The following HTT variants were observed in gnomAD, a reference collection of about 807,000 sequenced individuals.
The protein encoded by HTT is huntington disease protein.
Under a neutral mutation model 362.3 loss-of-function variants are expected in HTT, and 104 were observed. That is an observed-to-expected ratio of 0.29 (90% CI 0.24 to 0.34). The LOEUF (loss-of-function observed/expected upper bound fraction) is 0.34, where lower values mean the gene tolerates loss of function less well. HTT is among the 10% of genes least tolerant of loss of function. HTT has a pLI of 1.00. For synonymous variants in HTT, 1,577 were observed against 1,548.7 expected (o/e 1.02, Z -0.43); for missense variants, 3,301 against 3,928.6 (o/e 0.84, Z 4.27).
chr4:3,205,705 T>C (rs940013453), intron 42 of HTT, among the ~76,000 whole-genome samples: 2 of 152,138 alleles, frequency 1.3e-5, no homozygotes, highest in African/African-American at 4.8e-5. Context: ...ATAAGTATAA[T>C]GCACATATTT....
intron 45 of HTT, among the ~76,000 whole-genome samples, chr4:3,207,721 T>C (rs1028206120): frequency 1.3e-5 from 2 of 152,224 alleles, no homozygotes; most frequent in African/African-American, 4.8e-5. Flanking sequence ...AAACAAGAGT[T>C]GGCAAATCTG....
In HTT at chr4:3,187,721, C is replaced by A; in HGVS notation, c.5060C>A (p.Ser1687Ter). The A allele has an allele frequency of 6.2e-7, 1 of 1,614,130 alleles. No homozygotes were observed. The highest frequency in any genetic ancestry group is 1.1e-5 in the South Asian group (1 of 91,090). Residue 1687 changes from serine to a stop codon, truncating the protein, a stop_gained, in exon 39 of 67, where the codon TCA becomes TAA. Coordinates refer to ENST00000355072, the MANE Select transcript of HTT (RefSeq NM_001388492.1). LOFTEE classifies it high-confidence loss of function. The stretch of plus-strand genomic sequence containing the variant: ...ATTTTGAGGGTTCTGATTTCCCAGT[C>A]AACTGAAGATATTGTTCTTTCTCGT... Reference protein sequence around the residue: ...LAILRVLISQSTEDIVLSRIQ... With the variant: ...LAILRVLISQ
chr4:3,154,257 G>GT (rs761163751), intron 26 of HTT, 36 bp from the exon 27 acceptor site: 59 of 1,493,944 alleles, frequency 3.9e-5, no homozygotes, highest in Non-Finnish European at 5.0e-5. Context: ...ACATGTTTTT[G>GT]TTTTTTTGTT....
chr4:3,226,990 A>G (rs1720952802), intron 57 of HTT, among the ~76,000 whole-genome samples: 1 of 152,196 alleles, frequency 6.6e-6, no homozygotes, highest in Admixed American at 6.5e-5. Context: ...GATGCACTGT[A>G]TTTTTCATGA....
intron 1 of HTT, among the ~76,000 whole-genome samples, chr4:3,078,328 T>C (rs1712675005): frequency 6.6e-6 from 1 of 152,228 alleles, no homozygotes; most frequent in African/African-American, 2.4e-5. Flanking sequence ...CTCGTGAAGC[T>C]TTCATTCTAA....
intron 2 of HTT, among the ~76,000 whole-genome samples, chr4:3,090,054 T>G (rs997866406): frequency 6.6e-6 from 1 of 152,246 alleles, no homozygotes; most frequent in African/African-American, 2.4e-5. Context: ...ATATGTTTTA[T>G]GGAAACTTAT....
chr4:3,110,740 A>G (rs1714703828), intron 6 of HTT, among the ~76,000 whole-genome samples: 1 of 152,128 alleles, frequency 6.6e-6, no homozygotes, highest in Non-Finnish European at 1.5e-5. Context: ...CTATGAATGT[A>G]CTTTTCTTTG....
chr4:3,208,634 T>C (rs1418810660), intron 45 of HTT, 139 bp from the exon 46 acceptor site: 1 of 705,382 alleles, frequency 1.4e-6, no homozygotes, highest in African/African-American at 1.8e-5. Flanking sequence ...TAAACAAGTG[T>C]ATTTTCCTTT....
At chr4:3,145,102 A>G (rs779872155) in intron 23 of HTT, 50 bp from the exon 24 acceptor site, 12 of 1,336,850 alleles carry the variant, frequency 9.0e-6, no homozygotes, top group East Asian at 2.3e-5. Context: ...ATATAATTCA[A>G]TAAACCTTTG....
intron 1 of HTT, among the ~76,000 whole-genome samples, chr4:3,077,427 A>G (rs1712616480): frequency 1.3e-5 from 2 of 152,188 alleles, no homozygotes; most frequent in South Asian, 2.1e-4. Flanking sequence ...ATATATATCT[A>G]TATATTTTTT....
chr4:3,210,904 CT>C lies in HTT; in HGVS notation c.6414+970del, dbSNP rs780304223. Among the ~76,000 whole-genome samples, 341 of 122,626 alleles carry C rather than the reference CT, an allele frequency of 2.8e-3. 3 individuals are homozygous for C. The highest frequency in any genetic ancestry group is 0.014 in the South Asian group (55 of 4,046). The allele number at this position is 122,626 out of a possible 152,430, so 80.4% of individuals were successfully genotyped here. A position where few individuals can be genotyped will look rare whatever the true frequency, so the allele number is the denominator to read the frequency against. On this transcript the variant is annotated intron_variant, in intron 47 of 66. Transcript: ENST00000355072. ...AAATCCATTTACTAAAATTGTTTAT[CT>C]TTTTTTTTTTTTTTGAGACAAAGTC...
chr4:3,177,431 T>C, intron 34 of HTT, 44 bp downstream of exon 34: 1 of 1,271,276 alleles, frequency 7.9e-7, no homozygotes, highest in Non-Finnish European at 1.1e-6. Context: ...TCTTCTTGTG[T>C]ACTTACATGT....
chr4:3,134,414 G>A lies in HTT; in HGVS notation c.2507G>A (p.Ser836Asn). The part of the protein sequence containing the change: ...ACTAVRNCVM[S>N]LCSSSYSELG... ...CTTGTGTTCCAGAACTGTGTCATGA[G>A]TCTCTGCAGCAGCAGCTACAGTGAG... The change falls in exon 19 of 67, where the codon AGT becomes AAT. Residue 836 changes from serine to asparagine, a missense_variant. Physicochemically the swap from Ser to Asn is conservative, Grantham distance 46 (BLOSUM62 1). Around this residue, in one of 4 missense-constraint regions of HTT, gnomAD observed 2,316 missense variants for 2,658.5 expected, o/e 0.87. Coordinates refer to ENST00000355072, the MANE Select transcript of HTT (RefSeq NM_001388492.1). 2.5e-6 allele frequency: 4 copies of A among 1,613,890 alleles called. No individual in the cohort carries two copies. The East Asian group carries it at 8.9e-5, about 36-fold the overall frequency.
Position 3,136,269 on chromosome 4 carries a change from A to C in HTT, c.2741A>C (p.His914Pro), listed in dbSNP as rs1406907399. Residue 914 changes from histidine to proline, a missense_variant, in exon 21 of 67, where the codon CAT becomes CCT. Transcript: ENST00000355072. Reference protein sequence around the residue: ...QERVLNNVVIHLLGDEDPRVR... With the variant: ...QERVLNNVVIPLLGDEDPRVR... ...CGAGTGCTCAATAATGTTGTCATCC[A>C]TTTGCTTGGAGATGAAGACCCCAGG... is the stretch of plus-strand genomic sequence containing the variant. The C allele has an allele frequency of 6.2e-7, 1 of 1,612,578 alleles. No individual in the cohort carries two copies.
intron 21 of HTT, among the ~76,000 whole-genome samples, chr4:3,137,882 A>G (rs1237333838): frequency 6.6e-6 from 1 of 152,152 alleles, no homozygotes; most frequent in African/African-American, 2.4e-5. Context: ...TATTTTATCT[A>G]TCCATCAGAT....
chr4:3,085,014 G>A lies in HTT; in HGVS notation c.264-1925G>A, dbSNP rs185930371. ...GGGCGACAGAGCAAGACTCCGTCTC[G>A]GGGGAAAAAAAAAAATAAATAAATA... On this transcript the variant is annotated intron_variant, in intron 1 of 66. Transcript: ENST00000355072. Among the ~76,000 whole-genome samples, 401 of 148,294 alleles carry A rather than the reference G, an allele frequency of 2.7e-3. 3 individuals carry two copies. Among genetic ancestry groups the A allele is most frequent in the African/African-American group, 9.7e-3 (372 of 38,528 alleles).
intron 33 of HTT, 101 bp from the exon 34 acceptor site, chr4:3,177,231 A>T (rs371664416): frequency 2.5e-6 from 2 of 786,914 alleles, no homozygotes; most frequent in East Asian, 2.6e-5. Context: ...AGCTGTCAAG[A>T]ATTTTATTTA....
Position 3,228,807 on chromosome 4 carries a change from T to C in HTT, c.7979+62T>C. The C allele has an allele frequency of 6.4e-7, 1 of 1,573,696 alleles. No homozygotes were observed. Among genetic ancestry groups the C allele is most frequent in the Non-Finnish European group, 8.7e-7 (1 of 1,154,384 alleles). The stretch of plus-strand genomic sequence containing the variant: ...GAAATTTCTTATCAGTCATTTGATT[T>C]GTTTGAGGTGCTTCTTGAAATGAGC... On this transcript the variant is annotated intron_variant, in intron 58 of 66. Transcript: ENST00000355072. The surrounding 1 kb of genome is among the most constrained non-coding windows in gnomAD (Gnocchi z 4.3).
At chr4:3,175,449 T>C (rs363139) in intron 33 of HTT, among the ~76,000 whole-genome samples, 99 of 152,350 alleles carry the variant, frequency 6.5e-4, no homozygotes, top group Non-Finnish European at 1.1e-3. Context: ...GGAACATTTT[T>C]GCAAAATCTA....
Sources: gnomAD v4.1 joint callset for allele counts (sites outside exome capture counted in the v4.1 genomes callset) on GRCh38, gnomAD v4.1.1 for gene constraint, gnomAD v4.1.1 regional missense constraint, Gnocchi (gnomAD v3.1) non-coding constraint, MANE v1.5 for transcripts, NCBI Gene and HGNC (gene_info 2026-07-23, HGNC 2026-07-21) for gene names.